Variants in MSRA observed in about 807,000 individuals in gnomAD.
MSRA encodes the protein methionine sulfoxide reductase A.
MSRA carries 54 observed loss-of-function variants against 31.3 expected under a neutral mutation model. That is an observed-to-expected ratio of 1.73 (90% CI 1.39 to 2.17). The LOEUF is 2.17. Ranked by LOEUF, MSRA falls within the 30% of genes most tolerant of loss-of-function variation. MSRA has a pLI of 0.00. For missense variants in MSRA, 507 were observed against 300.9 expected, an observed-to-expected ratio of 1.69 and a Z score of -5.07; for synonymous variants, 169 against 116.5, an observed-to-expected ratio of 1.45 and a Z score of -2.90.
intron 2 of MSRA, among the ~76,000 whole-genome samples, chr8:10,227,987 G>A (rs371900116): frequency 3.9e-5 from 6 of 152,222 alleles, no homozygotes; most frequent in South Asian, 2.1e-4. Context: ...TCCTAGCATC[G>A]TAGAGCTGAA....
chr8:10,273,444 T>C (rs1449128555), intron 3 of MSRA, among the ~76,000 whole-genome samples: 1 of 152,196 alleles, frequency 6.6e-6, no homozygotes, highest in Non-Finnish European at 1.5e-5. Context: ...AATTTCATCT[T>C]TTGTAAAATG....
intron 4 of MSRA, among the ~76,000 whole-genome samples, chr8:10,312,143 C>A (rs1054422447): frequency 3.9e-5 from 6 of 152,070 alleles, no homozygotes; most frequent in South Asian, 4.2e-4. Flanking sequence ...ACAAATTCAA[C>A]CCAAACAGTA....
At chr8:10,177,895 C>T (rs1244096731) in intron 1 of MSRA, among the ~76,000 whole-genome samples, 2 of 152,060 alleles carry the variant, frequency 1.3e-5, no homozygotes, top group Admixed American at 6.6e-5. Context: ...TTTTAGGGAC[C>T]AGGGAGTGTC....
At chr8:10,146,620 C>G (rs574496241) in intron 1 of MSRA, among the ~76,000 whole-genome samples, 4 of 152,106 alleles carry the variant, frequency 2.6e-5, no homozygotes, top group Admixed American at 1.3e-4. Flanking sequence ...GGTTGTACAA[C>G]TTTCTGAATA....
chr8:10,089,790 C>T (rs1798767857), intron 1 of MSRA, among the ~76,000 whole-genome samples: 1 of 152,190 alleles, frequency 6.6e-6, no homozygotes, highest in Admixed American at 6.5e-5. Context: ...ACCCAAGGGG[C>T]GTCCTGGCTT....
chr8:10,087,781 C>T (rs142078029), intron 1 of MSRA, among the ~76,000 whole-genome samples: 4 of 152,122 alleles, frequency 2.6e-5, no homozygotes, highest in Non-Finnish European at 5.9e-5. Flanking sequence ...CTAAGATTGG[C>T]TTAAAGTAAA....
At chr8:10,258,723 G>A (rs2129091605) in intron 3 of MSRA, among the ~76,000 whole-genome samples, 1 of 152,314 alleles carries the variant, frequency 6.6e-6, no homozygotes, top group Non-Finnish European at 1.5e-5. Flanking sequence ...ACTCTTCCCT[G>A]ATGGTTTAAA....
In MSRA at chr8:10,274,196, A is replaced by G. The variant is rs746426058; in HGVS notation, c.332-27338A>G. Among the ~76,000 whole-genome samples the G allele has an allele frequency of 3.9e-5, 6 of 152,208 alleles. No homozygotes were observed. In the East Asian group the frequency reaches 7.7e-4, roughly 20 times the overall value. On this transcript the variant is annotated intron_variant, in intron 3 of 5. Coordinates refer to ENST00000317173, the MANE Select transcript of MSRA (RefSeq NM_012331.5). ...ATAACTGGAACTCCTGTTACATTCAAACTTCTAACATGCTAGTGTAGTTAA... is the reference window on the plus strand; with the variant it reads ...ATAACTGGAACTCCTGTTACATTCAGACTTCTAACATGCTAGTGTAGTTAA...
At chr8:10,284,824 G>A (rs1799848618) in intron 3 of MSRA, among the ~76,000 whole-genome samples, 1 of 152,088 alleles carries the variant, frequency 6.6e-6, no homozygotes, top group Admixed American at 6.6e-5. Context: ...TTGGCTTGAT[G>A]GGAGAATTAG....
At chr8:10,305,231 C>G (rs1186080174) in intron 4 of MSRA, among the ~76,000 whole-genome samples, 1 of 152,042 alleles carries the variant, frequency 6.6e-6, no homozygotes, top group Non-Finnish European at 1.5e-5. Flanking sequence ...AATGGTCTTA[C>G]TGTAGTAGAA....
intron 2 of MSRA, among the ~76,000 whole-genome samples, chr8:10,217,279 G>A (rs998427841): frequency 4.5e-4 from 69 of 152,334 alleles, no homozygotes; most frequent in Admixed American, 1.6e-3. Flanking sequence ...CACCCTAGGA[G>A]TGAGCGGCGC....
chr8:10,326,305 G>T (rs1173255500), intron 5 of MSRA, among the ~76,000 whole-genome samples: 1 of 152,192 alleles, frequency 6.6e-6, no homozygotes, highest in Non-Finnish European at 1.5e-5. Flanking sequence ...GGGACCAATT[G>T]TTGAGCTAAT....
intron 1 of MSRA, among the ~76,000 whole-genome samples, chr8:10,057,949 C>T (rs2128910584): frequency 6.6e-6 from 1 of 152,226 alleles, no homozygotes; most frequent in South Asian, 2.1e-4. Flanking sequence ...CTTGTTTTTG[C>T]GTATTGGAAA....
chr8:10,415,208 G>T (rs1346777301), intron 5 of MSRA, among the ~76,000 whole-genome samples: 1 of 152,212 alleles, frequency 6.6e-6, no homozygotes, highest in Non-Finnish European at 1.5e-5. Context: ...CCAGCCTGGT[G>T]GGTCCCCACC....
chr8:10,080,997 A>G (rs748028135), intron 1 of MSRA, among the ~76,000 whole-genome samples: 11 of 152,246 alleles, frequency 7.2e-5, no homozygotes, highest in Non-Finnish European at 1.5e-4. Context: ...GCAAACGGGA[A>G]ACAGGCTGAG....
At chr8:10,181,443 T>TA (rs537865249) in intron 1 of MSRA, among the ~76,000 whole-genome samples, 278 of 131,664 alleles carry the variant, frequency 2.1e-3, no homozygotes, top group Admixed American at 2.4e-3. Flanking sequence ...ATAATAAAAT[T>TA]AAAAAAAAAA....
At chr8:10,194,258 TC>T (rs1807779150) in intron 1 of MSRA, among the ~76,000 whole-genome samples, 2 of 151,958 alleles carry the variant, frequency 1.3e-5, no homozygotes, top group South Asian at 2.1e-4. Context: ...TTAAAATCCT[TC>T]CCCCCCTTAA....
At chr8:10,395,087 G>A (rs868524978) in intron 5 of MSRA, among the ~76,000 whole-genome samples, 8 of 152,216 alleles carry the variant, frequency 5.3e-5, no homozygotes, top group South Asian at 2.1e-4. Flanking sequence ...GTGTGTAAGC[G>A]TAGCAGGAAA....
chr8:10,095,600 G>A (rs1684925572), intron 1 of MSRA: 1 of 986,790 alleles, frequency 1.0e-6, no homozygotes. Flanking sequence ...GAGAGCTGAG[G>A]AAAGAAAAAA....
Sources: allele counts gnomAD v4.1 joint callset (sites outside exome capture counted in the v4.1 genomes callset), GRCh38; gene constraint gnomAD v4.1.1; transcripts MANE v1.5; gene names NCBI Gene and HGNC (gene_info 2026-07-23, HGNC 2026-07-21).